Variants in HDLBP observed in about 807,000 individuals in gnomAD.
HDLBP encodes the protein high density lipoprotein binding protein, also known as vigilin.
HDLBP carries 30 observed loss-of-function variants against 137.3 expected under a neutral mutation model. The ratio of observed to expected loss-of-function variants is 0.22; its 90% CI spans 0.16 to 0.30. HDLBP has a LOEUF of 0.30. HDLBP is among the 10% of genes least tolerant of loss of function. The pLI, the probability that HDLBP is intolerant of heterozygous loss-of-function variation, is 1.00. For missense variants in HDLBP, 1,119 were observed against 1,667.3 expected, an observed-to-expected ratio of 0.67 and a Z score of 5.73; for synonymous variants, 606 against 596.0, an observed-to-expected ratio of 1.02 and a Z score of -0.24.
chr2:241,253,573 T>C, intron 9 of HDLBP, 76 bp from the exon 10 acceptor site: 2 of 983,980 alleles, frequency 2.0e-6, no homozygotes, highest in Non-Finnish European at 3.2e-6. Flanking sequence ...GTGGGAGCTC[T>C]CTTCGGAGCG....
chr2:241,237,653 G>C (rs1015725492), intron 20 of HDLBP, among the ~76,000 whole-genome samples: 5 of 152,230 alleles, frequency 3.3e-5, no homozygotes, highest in Admixed American at 2.0e-4. Flanking sequence ...AATTATGTAA[G>C]AGAATGTCCT....
At position 241,230,728 on chromosome 2, in the gene HDLBP, T is replaced by C; in HGVS notation, c.3474+31A>G. On this transcript the variant is annotated intron_variant, in intron 25 of 27. Transcript: ENST00000310931. The surrounding 1 kb of genome is among the most constrained non-coding windows in gnomAD (Gnocchi z 5.0). ...GCCAGGTGCCCCCGGTGAGAGAGGATTCTCACCCACTGTGCTTCCAGCCGG... is the reference window on the plus strand; with the variant it reads ...GCCAGGTGCCCCCGGTGAGAGAGGACTCTCACCCACTGTGCTTCCAGCCGG... 1.3e-6 allele frequency: 2 copies of C among 1,598,876 alleles called. No homozygotes were observed. Among genetic ancestry groups the C allele is most frequent in the Non-Finnish European group, 1.7e-6 (2 of 1,166,632 alleles).
chr2:241,306,387 A>G (rs1257421831), intron 1 of HDLBP, among the ~76,000 whole-genome samples: 1 of 150,936 alleles, frequency 6.6e-6, no homozygotes, highest in Non-Finnish European at 1.5e-5. Flanking sequence ...TCAGCCTCCC[A>G]CAGCTGGGAT....
chr2:241,297,954 G>A (rs147008984), intron 1 of HDLBP, among the ~76,000 whole-genome samples: 4 of 149,514 alleles, frequency 2.7e-5, no homozygotes, highest in East Asian at 2.0e-4. Context: ...AGGCTGAGGC[G>A]GGAGAATCAC....
At chr2:241,260,286 G>A (rs1053916644) in intron 5 of HDLBP, among the ~76,000 whole-genome samples, 3 of 152,182 alleles carry the variant, frequency 2.0e-5, no homozygotes, top group Non-Finnish European at 4.4e-5. Context: ...GATTATAGGC[G>A]TGAGCCACTG....
rs1026362138 is a variant in HDLBP, at chr2:241,272,588, G to A, written c.-102-4047C>T. 1 of 983,760 alleles carries A rather than the reference G, an allele frequency of 1.0e-6. No homozygotes were observed. Among genetic ancestry groups the A allele is most frequent in the African/African-American group, 1.8e-5 (1 of 57,014 alleles). 60.9% of individuals were successfully genotyped at this position (983,760 alleles called of 1,614,324 possible). A position where few individuals can be genotyped will look rare whatever the true frequency, so the allele number is the denominator to read the frequency against. ...CGGAACCGCCACGCGCGGTAAGCAGGACACCCGCGGGCGGGGGCCGCAGCC... is the reference window on the plus strand; with the variant it reads ...CGGAACCGCCACGCGCGGTAAGCAGAACACCCGCGGGCGGGGGCCGCAGCC... On this transcript the variant is annotated intron_variant, in intron 1 of 27. Coordinates refer to ENST00000310931, the MANE Select transcript of HDLBP (RefSeq NM_005336.6). This position sits in a 1 kb window ranked among gnomAD's most constrained non-coding sequence, Gnocchi z 5.6.
chr2:241,235,180 G>A lies in HDLBP; in HGVS notation c.3085C>T (p.Arg1029Trp), dbSNP rs1348222068. The A allele has an allele frequency of 4.3e-6, 7 of 1,614,058 alleles. No individual in the cohort carries two copies. Among genetic ancestry groups the A allele is most frequent in the Admixed American group, 1.7e-5 (1 of 60,010 alleles). Residue 1029 changes from arginine to tryptophan, a missense_variant, in exon 23 of 28, where the codon CGG becomes TGG. Arg to Trp is a moderately radical substitution (Grantham distance 101, BLOSUM62 -3). Transcript: ENST00000310931. ...CGCTCCAGCAGTCCAGCCTTGGCCC[G>A]GTCCAAATTTGCAGCGAGGCCCGTG... ...AITGLAANLD[R>W]AKAGLLERVK... is the part of the protein sequence containing the mutation.
intron 1 of HDLBP, among the ~76,000 whole-genome samples, chr2:241,289,081 G>A (rs1403665295): frequency 6.6e-6 from 1 of 152,188 alleles, no homozygotes; most frequent in African/African-American, 2.4e-5. Flanking sequence ...AAATACTTAA[G>A]AATCTGAAAG....
At chr2:241,268,036 A>G in intron 2 of HDLBP, 1 of 861,704 alleles carries the variant, frequency 1.2e-6, no homozygotes. Flanking sequence ...CCAAACTACT[A>G]CAGTGAGGAA....
chr2:241,246,452 A>C, intron 16 of HDLBP: 1 of 317,116 alleles, frequency 3.2e-6, no homozygotes, highest in Non-Finnish European at 5.8e-6. Context: ...ATTTTTTTTA[A>C]AGGAAAGAAA....
chr2:241,308,628 A>G (rs2075660810), intron 1 of HDLBP, among the ~76,000 whole-genome samples: 1 of 152,194 alleles, frequency 6.6e-6, no homozygotes, highest in Non-Finnish European at 1.5e-5. Context: ...CGGGGTATGC[A>G]GACCTGGGTA....
chr2:241,312,379 T>C (rs1478259111), intron 1 of HDLBP, among the ~76,000 whole-genome samples: 1 of 152,236 alleles, frequency 6.6e-6, no homozygotes, highest in Non-Finnish European at 1.5e-5. Context: ...GTCTCTGACT[T>C]TAGAAATACC....
At chr2:241,309,038 G>C (rs953730928) in intron 1 of HDLBP, among the ~76,000 whole-genome samples, 1 of 152,088 alleles carries the variant, frequency 6.6e-6, no homozygotes, top group Non-Finnish European at 1.5e-5. Flanking sequence ...TTCACCTCCT[G>C]TCCATTCCTC....
chr2:241,259,801 T>C (rs2073012766), intron 5 of HDLBP, among the ~76,000 whole-genome samples: 1 of 151,986 alleles, frequency 6.6e-6, no homozygotes, highest in South Asian at 2.1e-4. Context: ...ACAATTATCC[T>C]AGCTCTGTCT....
intron 1 of HDLBP, among the ~76,000 whole-genome samples, chr2:241,287,524 G>A (rs1040889474): frequency 2.6e-5 from 4 of 151,082 alleles, no homozygotes; most frequent in Non-Finnish European, 5.9e-5. Flanking sequence ...AGGTTCAAGC[G>A]ATTCTCCCAC....
chr2:241,304,554 T>A (rs767612009), intron 1 of HDLBP, among the ~76,000 whole-genome samples: 3 of 152,278 alleles, frequency 2.0e-5, no homozygotes, highest in Non-Finnish European at 4.4e-5. Flanking sequence ...GCTTTAGGGC[T>A]GGGACTTTGA....
intron 21 of HDLBP, 149 bp from the exon 22 acceptor site, chr2:241,235,743 C>T (rs890095972): frequency 3.3e-6 from 2 of 599,022 alleles, no homozygotes; most frequent in Non-Finnish European, 6.0e-6. Context: ...GGACCTTTAA[C>T]TCAATAGAAA....
At chr2:241,283,477 T>C (rs1470420233) in intron 1 of HDLBP, among the ~76,000 whole-genome samples, 1 of 151,602 alleles carries the variant, frequency 6.6e-6, no homozygotes, top group African/African-American at 2.4e-5. Context: ...ATGGCTTCTT[T>C]TTTTTTTTTT....
At chr2:241,265,399 C>CA (rs2073576762) in intron 3 of HDLBP, among the ~76,000 whole-genome samples, 2 of 152,254 alleles carry the variant, frequency 1.3e-5, no homozygotes, top group South Asian at 2.1e-4. Context: ...GCCTGGGCAA[C>CA]AAGAGCAAAA....
Sources: allele counts gnomAD v4.1 joint callset (sites outside exome capture counted in the v4.1 genomes callset), GRCh38; gene constraint gnomAD v4.1.1; non-coding constraint Gnocchi (gnomAD v3.1); transcripts MANE v1.5; gene names NCBI Gene and HGNC (gene_info 2026-07-23, HGNC 2026-07-21).